MIX23: variants seen among roughly 807,000 people sequenced by gnomAD.
MIX23 encodes protein MIX23.
MIX23 carries 13 observed loss-of-function variants against 21.6 expected under a neutral mutation model. The observed-to-expected ratio is 0.60, with a 90% CI of 0.39 to 0.96. MIX23 has a LOEUF of 0.96. MIX23 is among the 40% of genes least tolerant of loss of function. The pLI, the probability that MIX23 is intolerant of heterozygous loss-of-function variation, is 0.00. For synonymous variants in MIX23, 59 were observed against 58.0 expected (o/e 1.02, Z -0.08); for missense variants, 144 against 171.2 (o/e 0.84, Z 0.89).
intron 1 of MIX23, among the ~76,000 whole-genome samples, chr3:122,378,330 C>T (rs568255178): frequency 1.8e-4 from 27 of 152,300 alleles, no homozygotes; most frequent in African/African-American, 6.5e-4. Flanking sequence ...TACTAAATTC[C>T]TTACATAGCA....
chr3:122,373,237 T>G (rs559842112), intron 1 of MIX23, among the ~76,000 whole-genome samples: 1 of 152,184 alleles, frequency 6.6e-6, no homozygotes, highest in Admixed American at 6.5e-5. Context: ...AGACATTATA[T>G]TATGAGCATA....
chr3:122,372,977 TCTTAC>T (rs2075454441), intron 1 of MIX23: 1 of 420,314 alleles, frequency 2.4e-6, no homozygotes, highest in African/African-American at 2.0e-5. Flanking sequence ...CTATGCTACT[TCTTAC>T]CTTTGCCAAA....
rs547463248 is a variant in MIX23, at chr3:122,377,756, A to T, written c.51+5418T>A. ...CTAGCTACTTGGGATGCTGGGGCAG[A>T]AGGATCACTTGAGCCCAGGAGTTCA... On this transcript the variant is annotated intron_variant, in intron 1 of 4. Transcript: ENST00000291458. Among the ~76,000 whole-genome samples, 6 of 152,294 alleles carry T rather than the reference A, an allele frequency of 3.9e-5. No individual in the cohort carries two copies. In the East Asian group the frequency reaches 1.2e-3, roughly 29 times the overall value.
intron 3 of MIX23, among the ~76,000 whole-genome samples, chr3:122,366,158 A>C (rs1027430836): frequency 1.3e-5 from 2 of 151,272 alleles, no homozygotes; most frequent in Non-Finnish European, 2.9e-5. Flanking sequence ...AGCCCAGGCG[A>C]TAGTGCGAGA....
intron 4 of MIX23, among the ~76,000 whole-genome samples, chr3:122,362,293 G>A (rs551981368): frequency 6.6e-6 from 1 of 152,082 alleles, no homozygotes; most frequent in Non-Finnish European, 1.5e-5. Flanking sequence ...GAAAACTTAC[G>A]GAAAGTAACT....
rs2075412297 is a variant in MIX23, at chr3:122,368,269, C to T, written c.231G>A (p.Gln77=). 6.2e-7 allele frequency: 1 copy of T among 1,609,214 alleles called. No individual in the cohort carries two copies. Among genetic ancestry groups the T allele is most frequent in the Admixed American group, 1.7e-5 (1 of 59,598 alleles). ...GGAGGTTTTTTACTACTGCTGAAGT[C>T]TGGGCTATACAGTTTTTTATGACTC... is the stretch of plus-strand genomic sequence containing the variant. The part of the protein sequence containing the change: ...RDRVIKNCIA[Q]TSAVVKNLRE... The change falls in exon 3 of 5, where the codon CAG becomes CAA. Residue 77 remains glutamine, a synonymous_variant. Transcript: ENST00000291458.
chr3:122,361,644 G>A (rs958249194), intron 4 of MIX23, among the ~76,000 whole-genome samples: 5 of 152,074 alleles, frequency 3.3e-5, no homozygotes, highest in Admixed American at 3.3e-4. Context: ...TTCTGCACTT[G>A]TTTTTTCAAG....
chr3:122,373,050 AATT>A lies in MIX23; in HGVS notation c.52-1253_52-1251del, dbSNP rs745786988. The A allele has an allele frequency of 2.1e-4, 81 of 394,900 alleles. 1 individual carries two copies. The highest frequency in any genetic ancestry group is 3.0e-4 in the Non-Finnish European group (61 of 202,912). The allele number at this position is 394,900 out of a possible 1,614,324, so 24.5% of individuals were successfully genotyped here. ...TTCCTCGTCCATTTGTTAAAATAAA[AATT>A]ATTATTATTATTACTTTCATTTTAG... On this transcript the variant is annotated intron_variant, in intron 1 of 4. Coordinates refer to ENST00000291458, the MANE Select transcript of MIX23 (RefSeq NM_001017928.4).
chr3:122,376,527 G>T (rs565159777), intron 1 of MIX23, among the ~76,000 whole-genome samples: 20 of 152,256 alleles, frequency 1.3e-4, no homozygotes, highest in African/African-American at 4.8e-4. Flanking sequence ...TCTGAGGCAG[G>T]AGAATAGCTT....
At chr3:122,376,464 A>C (rs1019511045) in intron 1 of MIX23, among the ~76,000 whole-genome samples, 5 of 151,924 alleles carry the variant, frequency 3.3e-5, no homozygotes, top group Admixed American at 2.6e-4. Context: ...CTAAAAATAC[A>C]AAAAAATAGC....
At chr3:122,368,103 T>C in intron 3 of MIX23, 73 bp downstream of exon 3, 1 of 1,434,850 alleles carries the variant, frequency 7.0e-7, no homozygotes, top group Non-Finnish European at 9.7e-7. Flanking sequence ...AAAATTTTCA[T>C]ATTAAAAATC....
At chr3:122,362,690 T>C (rs1276682002) in intron 4 of MIX23, among the ~76,000 whole-genome samples, 4 of 152,162 alleles carry the variant, frequency 2.6e-5, no homozygotes, top group Non-Finnish European at 2.9e-5. Context: ...CCCACCCACC[T>C]TGGCCTCCCA....
chr3:122,378,989 A>C (rs1369024486), intron 1 of MIX23, among the ~76,000 whole-genome samples: 4 of 152,256 alleles, frequency 2.6e-5, no homozygotes, highest in Non-Finnish European at 5.9e-5. Context: ...ACCATCACAG[A>C]AAGTCCTACT....
intron 1 of MIX23, among the ~76,000 whole-genome samples, chr3:122,379,810 A>G (rs2075516358): frequency 6.6e-6 from 1 of 152,156 alleles, no homozygotes; most frequent in African/African-American, 2.4e-5. Context: ...ATTCTGTAGT[A>G]CTCCCAGCTT....
intron 1 of MIX23, among the ~76,000 whole-genome samples, chr3:122,381,292 T>C (rs537632546): frequency 2.0e-5 from 3 of 152,326 alleles, no homozygotes; most frequent in African/African-American, 7.2e-5. Flanking sequence ...ACGGGTTGAA[T>C]TGTGTGTCCC....
chr3:122,377,622 G>A (rs1157668283), intron 1 of MIX23, among the ~76,000 whole-genome samples: 1 of 152,184 alleles, frequency 6.6e-6, no homozygotes, highest in Non-Finnish European at 1.5e-5. Context: ...ATTCAGGCGG[G>A]AGGACTGCTT....
chr3:122,375,125 CTCTG>C (rs1164834055), intron 1 of MIX23, among the ~76,000 whole-genome samples: 14 of 152,090 alleles, frequency 9.2e-5, no homozygotes, highest in African/African-American at 3.1e-4. Context: ...CACAGCGAGA[CTCTG>C]TCTAAAACAA....
At chr3:122,372,122 A>G (rs2075445892) in intron 1 of MIX23, among the ~76,000 whole-genome samples, 2 of 151,318 alleles carry the variant, frequency 1.3e-5, no homozygotes, top group African/African-American at 2.4e-5. Context: ...TTCCACCTCC[A>G]GCATACAGCC....
intron 1 of MIX23, among the ~76,000 whole-genome samples, chr3:122,372,224 CAAAAAAAAAAAAAA>C: frequency 2.2e-5 from 1 of 46,086 alleles, no homozygotes; most frequent in African/African-American, 9.1e-5. Context: ...CTCCAACTCT[CAAAAAAAAAAAAAA>C]AAAAAAAAAA....
Sources: allele counts gnomAD v4.1 joint callset (sites outside exome capture counted in the v4.1 genomes callset), GRCh38; gene constraint gnomAD v4.1.1; transcripts MANE v1.5; gene names NCBI Gene and HGNC (gene_info 2026-07-23, HGNC 2026-07-21).